Variants in IPO11 observed in about 807,000 individuals in gnomAD.
IPO11 encodes importin 11.
A neutral mutation model predicts 143.2 loss-of-function variants in IPO11; 66 were observed. That is an observed-to-expected ratio of 0.46 (90% CI 0.38 to 0.57). The LOEUF (loss-of-function observed/expected upper bound fraction) is 0.57. IPO11 is among the 20% of genes least tolerant of loss of function. The probability of loss-of-function intolerance (pLI) is 0.00; values close to 1 mark genes in which losing one functional copy is unlikely to be tolerated. For missense variants in IPO11, 1,026 were observed against 1,141.0 expected, an observed-to-expected ratio of 0.90 and a Z score of 1.45; for synonymous variants, 385 against 377.8, an observed-to-expected ratio of 1.02 and a Z score of -0.22.
chr5:62,455,046 C>T (rs902885524), intron 5 of IPO11, among the ~76,000 whole-genome samples: 5 of 152,050 alleles, frequency 3.3e-5, no homozygotes, highest in Non-Finnish European at 7.4e-5. Flanking sequence ...CTGTCTAATG[C>T]GGTTGAGGTA....
chr5:62,426,929 C>CTTTT, intron 1 of IPO11, among the ~76,000 whole-genome samples: 1 of 95,452 alleles, frequency 1.0e-5, no homozygotes, highest in Non-Finnish European at 2.2e-5. Flanking sequence ...TTTTTTCTTT[C>CTTTT]TGTTTTTTTT....
intron 16 of IPO11, among the ~76,000 whole-genome samples, chr5:62,494,568 ATAT>A (rs919357198): frequency 2.8e-4 from 43 of 151,898 alleles, no homozygotes; most frequent in African/African-American, 1.0e-3. Flanking sequence ...TGGTATTCAT[ATAT>A]TATTGTTGAT....
At chr5:62,527,692 G>A (rs1742412483) in intron 21 of IPO11, among the ~76,000 whole-genome samples, 1 of 152,108 alleles carries the variant, frequency 6.6e-6, no homozygotes, top group South Asian at 2.1e-4. Context: ...AAAATGCACG[G>A]CTTTGTTAAT....
chr5:62,426,931 GTTTTTTTTT>G (rs763031944), intron 1 of IPO11, among the ~76,000 whole-genome samples: 7 of 90,244 alleles, frequency 7.8e-5, no homozygotes, highest in Admixed American at 1.5e-4. Context: ...TTTTCTTTCT[GTTTTTTTTT>G]TTTTTTTTTT....
chr5:62,418,195 C>T (rs935745035), intron 1 of IPO11, among the ~76,000 whole-genome samples: 1 of 150,166 alleles, frequency 6.7e-6, no homozygotes, highest in Non-Finnish European at 1.5e-5. Flanking sequence ...GAGAGAGTTT[C>T]ACTCTTATTG....
At position 62,435,532 on chromosome 5, in the gene IPO11, G is replaced by A. The variant is rs573457167; in HGVS notation, c.-6-1742G>A. 4.3e-4 allele frequency among the ~76,000 whole-genome samples: 65 copies of A among 152,064 alleles called. 1 individual carries two copies. The highest frequency in any genetic ancestry group is 1.4e-3 in the African/African-American group (58 of 41,470). ...AAGATCACTTGAGATCGCGGCTGCC[G>A]TGAGCAGTGATCACGTCACTGTGTT... On this transcript the variant is annotated intron_variant, in intron 1 of 29. Transcript: ENST00000325324.
chr5:62,602,784 T>C (rs938322628), intron 29 of IPO11, among the ~76,000 whole-genome samples: 7 of 152,196 alleles, frequency 4.6e-5, no homozygotes, highest in African/African-American at 1.7e-4. Context: ...CCCTAGCACA[T>C]AGTGTAGAGG....
At chr5:62,487,936 A>G (rs1045037628) in intron 13 of IPO11, 75 bp downstream of exon 13, 55 of 1,231,638 alleles carry the variant, frequency 4.5e-5, no homozygotes, top group East Asian at 4.8e-5. Flanking sequence ...AGTGCCTACA[A>G]TGCATACTGT....
intron 5 of IPO11, among the ~76,000 whole-genome samples, chr5:62,460,611 G>T (rs1046082692): frequency 3.3e-5 from 5 of 152,182 alleles, no homozygotes; most frequent in African/African-American, 1.2e-4. Flanking sequence ...GTGTGTAATG[G>T]TTAGCTTTTG....
intron 4 of IPO11, 111 bp from the exon 5 acceptor site, chr5:62,451,619 G>C: frequency 2.4e-6 from 2 of 836,124 alleles, no homozygotes; most frequent in Non-Finnish European, 3.8e-6. Context: ...CAGTCATTCA[G>C]TGAAATCGTA....
At chr5:62,559,261 T>C (rs1049214061) in intron 26 of IPO11, among the ~76,000 whole-genome samples, 3 of 152,114 alleles carry the variant, frequency 2.0e-5, no homozygotes, top group Non-Finnish European at 4.4e-5. Context: ...ACAGAAATTC[T>C]ACTGAAGACT....
chr5:62,427,040 C>T (rs1470570086), intron 1 of IPO11, among the ~76,000 whole-genome samples: 3 of 144,880 alleles, frequency 2.1e-5, no homozygotes, highest in South Asian at 2.2e-4. Flanking sequence ...TGGTTTCAAG[C>T]GATTCTCCTG....
rs538933980 is a variant in IPO11, at chr5:62,559,397, A to G, written c.2461-1739A>G. Among the ~76,000 whole-genome samples the G allele has an allele frequency of 2.0e-4, 30 of 152,068 alleles. 1 individual carries two copies. The highest frequency in any genetic ancestry group is 2.0e-3 in the Admixed American group (30 of 15,272). The stretch of plus-strand genomic sequence containing the variant: ...AAATCACTGAAACTTCATTTTTTTT[A>G]ATGATGATGATGGACTATTTGGTCC... On this transcript the variant is annotated intron_variant, in intron 26 of 29. Transcript: ENST00000325324.
intron 16 of IPO11, among the ~76,000 whole-genome samples, chr5:62,499,327 A>G (rs1206052400): frequency 6.6e-6 from 1 of 152,228 alleles, no homozygotes; most frequent in South Asian, 2.1e-4. Context: ...GAAAAGGTAC[A>G]GTAAGAATAT....
chr5:62,579,754 C>T (rs1744471822), intron 27 of IPO11: 21 of 1,545,368 alleles, frequency 1.4e-5, no homozygotes, highest in Non-Finnish European at 1.7e-5. Context: ...AGCCTTTGTT[C>T]AATTGAGGCA....
At chr5:62,513,751 C>T (rs1045704944) in intron 19 of IPO11, among the ~76,000 whole-genome samples, 2 of 151,288 alleles carry the variant, frequency 1.3e-5, no homozygotes, top group East Asian at 2.0e-4. Context: ...ACCTCCCTCC[C>T]GGACGGGGTG....
At chr5:62,441,869 C>T (rs1744494053) in intron 2 of IPO11, among the ~76,000 whole-genome samples, 1 of 148,574 alleles carries the variant, frequency 6.7e-6, no homozygotes, top group South Asian at 2.1e-4. Context: ...TTTTTTGAGA[C>T]AGAGTCTCAC....
intron 27 of IPO11, among the ~76,000 whole-genome samples, chr5:62,589,152 C>G (rs1744919936): frequency 6.6e-6 from 1 of 152,144 alleles, no homozygotes; most frequent in Admixed American, 6.6e-5. Flanking sequence ...CCTGTACTTT[C>G]AGCTGTTCAG....
intron 1 of IPO11, among the ~76,000 whole-genome samples, chr5:62,430,536 C>G (rs247243): frequency 0.58 from 88,199 of 151,660 alleles, 26,095 homozygotes; most frequent in African/African-American, 0.69. Flanking sequence ...TACCCAGGCT[C>G]GTCTTGAACT....
Sources: allele counts gnomAD v4.1 joint callset (sites outside exome capture counted in the v4.1 genomes callset), GRCh38; gene constraint gnomAD v4.1.1; transcripts MANE v1.5; gene names NCBI Gene and HGNC (gene_info 2026-07-23, HGNC 2026-07-21).